LINGO2: variants seen among roughly 807,000 people sequenced by gnomAD.
The protein encoded by LINGO2 is leucine rich repeat and Ig domain containing 2, also known as leucine-rich repeat and immunoglobulin-like domain-containing nogo receptor-interacting protein 2.
A neutral mutation model predicts 30.6 loss-of-function variants in LINGO2; 14 were observed. The ratio of observed to expected loss-of-function variants is 0.46; its 90% CI spans 0.30 to 0.72. The LOEUF (loss-of-function observed/expected upper bound fraction) is 0.72, where lower values mean the gene tolerates loss of function less well. LINGO2 is among the 30% of genes least tolerant of loss of function. LINGO2 has a pLI of 0.07. For missense variants in LINGO2, 729 were observed against 751.7 expected (o/e 0.97, Z 0.35); for synonymous variants, 317 against 288.5 (o/e 1.10, Z -1.00).
the LINGO2 span, among the ~76,000 whole-genome samples, chr9:28,985,736 TTTAAG>T: frequency 7.0e-3 from 1,066 of 152,216 alleles, 18 homozygotes; most frequent in African/African-American, 0.024. Flanking sequence ...TATTGAATTG[TTTAAG>T]TTCTTTATAT....
At chr9:28,125,270 G>A (rs767418019) in intron 4 of LINGO2, among the ~76,000 whole-genome samples, 73 of 152,214 alleles carry the variant, frequency 4.8e-4, no homozygotes, top group Middle Eastern at 6.8e-3. Context: ...ACAATCCATT[G>A]GCTTAAAGAG....
chr9:28,440,688 G>C (rs1179120924), intron 2 of LINGO2, among the ~76,000 whole-genome samples: 1 of 151,932 alleles, frequency 6.6e-6, no homozygotes, highest in Non-Finnish European at 1.5e-5. Flanking sequence ...ATGCTTTTTT[G>C]TTTCAACTAT....
At chr9:29,021,174 A>G in the LINGO2 span, among the ~76,000 whole-genome samples, 1 of 152,186 alleles carries the variant, frequency 6.6e-6, no homozygotes, top group Non-Finnish European at 1.5e-5. Context: ...GAGGATATTT[A>G]GAACAGTTTT....
At chr9:28,550,782 TA>T in intron 1 of LINGO2, among the ~76,000 whole-genome samples, 1 of 152,032 alleles carries the variant, frequency 6.6e-6, no homozygotes, top group African/African-American at 2.4e-5. Flanking sequence ...TAAGGAGTCA[TA>T]TAAAATAATG....
At chr9:29,049,859 G>GAATA in the LINGO2 span, among the ~76,000 whole-genome samples, 8 of 152,040 alleles carry the variant, frequency 5.3e-5, no homozygotes, top group East Asian at 1.5e-3. Flanking sequence ...AACATAGAAA[G>GAATA]AATAAATAAG....
At chr9:28,783,718 G>A in the LINGO2 span, among the ~76,000 whole-genome samples, 25 of 152,290 alleles carry the variant, frequency 1.6e-4, no homozygotes, top group Middle Eastern at 3.4e-3. Context: ...CAAATAGAGG[G>A]AACTAGATGT....
chr9:27,963,195 G>T (rs1219885462), intron 5 of LINGO2, among the ~76,000 whole-genome samples: 3 of 152,104 alleles, frequency 2.0e-5, no homozygotes, highest in African/African-American at 4.8e-5. Flanking sequence ...AGCATTAAAG[G>T]TGGTATACAT....
chr9:28,430,850 C>A (rs1434226826), intron 2 of LINGO2, among the ~76,000 whole-genome samples: 1 of 152,062 alleles, frequency 6.6e-6, no homozygotes, highest in African/African-American at 2.4e-5. Context: ...ACTGGGGTTG[C>A]AGTGATTCTG....
chr9:28,109,190 C>A (rs916778532), intron 4 of LINGO2, among the ~76,000 whole-genome samples: 4 of 152,170 alleles, frequency 2.6e-5, no homozygotes, highest in Non-Finnish European at 4.4e-5. Context: ...CAATAAAATT[C>A]AACATCCCTT....
chr9:28,895,386 A>C, the LINGO2 span, among the ~76,000 whole-genome samples: 1 of 152,082 alleles, frequency 6.6e-6, no homozygotes, highest in Non-Finnish European at 1.5e-5. Context: ...GATTGCAAAA[A>C]CTGCAACCTT....
intron 1 of LINGO2, among the ~76,000 whole-genome samples, chr9:28,657,044 C>T (rs559057373): frequency 3.4e-4 from 51 of 152,216 alleles, no homozygotes; most frequent in African/African-American, 1.2e-3. Flanking sequence ...TATGTGACAA[C>T]TGTTTGAAGA....
intron 1 of LINGO2, among the ~76,000 whole-genome samples, chr9:28,543,901 G>T (rs1564279802): frequency 6.6e-6 from 1 of 151,914 alleles, no homozygotes; most frequent in Non-Finnish European, 1.5e-5. Flanking sequence ...AAGCAATTAT[G>T]AATCTAACAA....
chr9:28,086,587 G>A (rs924720030), intron 4 of LINGO2, among the ~76,000 whole-genome samples: 6 of 151,932 alleles, frequency 3.9e-5, no homozygotes, highest in African/African-American at 1.4e-4. Flanking sequence ...GCTAATTTGG[G>A]CGTACTTAAT....
chr9:28,226,586 A>G (rs1298829920), intron 4 of LINGO2, among the ~76,000 whole-genome samples: 1 of 151,166 alleles, frequency 6.6e-6, no homozygotes, highest in Non-Finnish European at 1.5e-5. Context: ...AGAGAGAGAG[A>G]AAGAAAAAAG....
At chr9:28,842,796 T>C in the LINGO2 span, among the ~76,000 whole-genome samples, 1 of 151,912 alleles carries the variant, frequency 6.6e-6, no homozygotes, top group South Asian at 2.1e-4. Flanking sequence ...AGCATTCTTC[T>C]GCAATTCTAA....
At chr9:28,354,949 T>C (rs921423232) in intron 3 of LINGO2, among the ~76,000 whole-genome samples, 1 of 152,184 alleles carries the variant, frequency 6.6e-6, no homozygotes, top group Non-Finnish European at 1.5e-5. Context: ...GAATTTGTAC[T>C]GAAAACTGGA....
chr9:28,882,209 T>C, the LINGO2 span, among the ~76,000 whole-genome samples: 18 of 152,232 alleles, frequency 1.2e-4, no homozygotes, highest in Non-Finnish European at 1.8e-4. Flanking sequence ...TATTTAATTT[T>C]GTATAGACAG....
chr9:28,726,007 T>C, the LINGO2 span, among the ~76,000 whole-genome samples: 2 of 152,144 alleles, frequency 1.3e-5, no homozygotes, highest in Admixed American at 6.5e-5. Flanking sequence ...AATATTTATA[T>C]ACAAGAATAC....
intron 4 of LINGO2, among the ~76,000 whole-genome samples, chr9:28,089,715 A>C (rs1394891606): frequency 2.0e-5 from 3 of 152,356 alleles, no homozygotes; most frequent in African/African-American, 7.2e-5. Flanking sequence ...AACTAAGATC[A>C]GAACAGAACT....
Sources: gnomAD v4.1 joint callset for allele counts (sites outside exome capture counted in the v4.1 genomes callset) on GRCh38, gnomAD v4.1.1 for gene constraint, MANE v1.5 for transcripts, NCBI Gene and HGNC (gene_info 2026-07-23, HGNC 2026-07-21) for gene names.